The following CPLX2 variants were observed in gnomAD, a reference collection of about 807,000 sequenced individuals.
CPLX2 encodes complexin 2.
CPLX2 carries 5 observed loss-of-function variants against 16.3 expected under a neutral mutation model. The observed-to-expected ratio is 0.31, with a 90% CI of 0.16 to 0.64. The LOEUF is 0.64. CPLX2 is among the 30% of genes least tolerant of loss of function. The pLI is 0.79. For synonymous variants in CPLX2, 89 were observed against 73.2 expected (o/e 1.22, Z -1.10); for missense variants, 144 against 181.4 (o/e 0.79, Z 1.18).
chr5:175,842,697 C>T (rs1758966604), intron 2 of CPLX2, among the ~76,000 whole-genome samples: 1 of 152,180 alleles, frequency 6.6e-6, no homozygotes, highest in Non-Finnish European at 1.5e-5. Flanking sequence ...CACCCACCTG[C>T]ACTTGCAGGA....
intron 1 of CPLX2, chr5:175,871,989 G>C (rs935244594): frequency 2.0e-5 from 3 of 152,292 alleles, no homozygotes; most frequent in South Asian, 4.1e-4. Context: ...CGGAGACTCC[G>C]GGCAGAGCCC....
At chr5:175,863,991 T>C (rs189351671) in intron 2 of CPLX2, among the ~76,000 whole-genome samples, 2 of 152,352 alleles carry the variant, frequency 1.3e-5, no homozygotes, top group East Asian at 3.9e-4. Context: ...CAGAGTTCTT[T>C]GACCAAGAGG....
At chr5:175,812,580 G>A (rs748650640) in intron 2 of CPLX2, among the ~76,000 whole-genome samples, 3 of 152,158 alleles carry the variant, frequency 2.0e-5, no homozygotes, top group Non-Finnish European at 2.9e-5. Flanking sequence ...AAGGTCCAAG[G>A]TAGAGACGCC....
rs1157679528 is a variant in CPLX2 at position 175,872,452 on chromosome 5, A to C, written c.-89+747A>C. On this transcript the variant is annotated intron_variant, in intron 1 of 3. Coordinates refer to ENST00000393745, the MANE Select transcript of CPLX2 (RefSeq NM_001008220.2). This position sits in a 1 kb window ranked among gnomAD's most constrained non-coding sequence, Gnocchi z 5.0. ...CGGGCCGGGTCTTGGGGTTGGAGCT[A>C]TGTGTGTTGGGGGAAGGGGCGCTCT... Among the ~76,000 whole-genome samples the C allele has an allele frequency of 1.3e-5, 2 of 151,832 alleles. No individual in the cohort carries two copies. The highest frequency in any genetic ancestry group is 2.9e-5 in the Non-Finnish European group (2 of 67,918).
intron 2 of CPLX2, among the ~76,000 whole-genome samples, chr5:175,866,274 G>C (rs916366318): frequency 6.6e-6 from 1 of 152,220 alleles, no homozygotes; most frequent in African/African-American, 2.4e-5. Context: ...TCAGAGAAGA[G>C]TTCTTAATGG....
At chr5:175,817,879 A>G (rs1283943590) in intron 2 of CPLX2, among the ~76,000 whole-genome samples, 2 of 152,222 alleles carry the variant, frequency 1.3e-5, no homozygotes, top group African/African-American at 2.4e-5. Flanking sequence ...CCCATAGAAA[A>G]GAAATCTCAG....
rs1409533277 is a variant in CPLX2 at position 175,799,542 on chromosome 5, A to ATATATATTTATATATATT, written c.-169+2765_-169+2766insTTATATATATTTATATAT. Among the ~76,000 whole-genome samples the ATATATATTTATATATATT allele has an allele frequency of 4.5e-3, 359 of 79,158 alleles. 9 individuals are homozygous for ATATATATTTATATATATT. The highest frequency in any genetic ancestry group is 0.018 in the East Asian group (54 of 2,998). 51.9% of individuals were successfully genotyped at this position (79,158 alleles called of 152,430 possible). On this transcript the variant is annotated intron_variant, in intron 1 of 4. Transcript: ENST00000359546. Reference sequence around the variant, plus strand: ...TTTGAGATCCCTTTGCAAATTTCATATATATATATATATATATATATATAT... The same window carrying ATATATATTTATATATATT: ...TTTGAGATCCCTTTGCAAATTTCATATATATATTTATATATATTTATATATATATATATATATATATAT...
upstream of CPLX2, among the ~76,000 whole-genome samples, chr5:175,871,129 G>A (rs1340903715): frequency 6.6e-6 from 1 of 152,066 alleles, no homozygotes; most frequent in Non-Finnish European, 1.5e-5. Context: ...TCCCAAGGAG[G>A]TGAACTTTGA....
intron 1 of CPLX2, among the ~76,000 whole-genome samples, chr5:175,803,643 G>A (rs1212844177): frequency 6.6e-6 from 1 of 152,226 alleles, no homozygotes; most frequent in Non-Finnish European, 1.5e-5. Flanking sequence ...GTAAGGCTTG[G>A]GTTAGGCAGG....
At chr5:175,870,236 G>A (rs1236820516), upstream of CPLX2, among the ~76,000 whole-genome samples, 1 of 152,216 alleles carries the variant, frequency 6.6e-6, no homozygotes, top group East Asian at 1.9e-4. Context: ...AGCCTGTAAG[G>A]GGAGAACAGA....
At chr5:175,844,641 G>C (rs189253802) in intron 2 of CPLX2, among the ~76,000 whole-genome samples, 1 of 152,382 alleles carries the variant, frequency 6.6e-6, no homozygotes, top group African/African-American at 2.4e-5. Flanking sequence ...GAAGAACAGA[G>C]AGAACAGCCA....
intron 2 of CPLX2, among the ~76,000 whole-genome samples, chr5:175,823,928 A>G (rs1183308439): frequency 6.6e-6 from 1 of 152,112 alleles, no homozygotes; most frequent in Non-Finnish European, 1.5e-5. Context: ...GGAGGAGGAG[A>G]CTGAATAGGT....
chr5:175,837,230 C>T (rs1284028138), intron 2 of CPLX2, among the ~76,000 whole-genome samples: 2 of 152,186 alleles, frequency 1.3e-5, no homozygotes, highest in Non-Finnish European at 2.9e-5. Context: ...TCACTTAGCT[C>T]TGAAGAAAGG....
rs530955966 is a variant in CPLX2 at position 175,838,902 on chromosome 5, G to A, written c.-89+29834G>A. On this transcript the variant is annotated intron_variant, in intron 2 of 4. Coordinates refer to the CPLX2 transcript ENST00000359546. ...TAGCTTTCTTCAGGGAGATGACTTG[G>A]AGTTGGGACACCAAGATTTAAATCC... Among the ~76,000 whole-genome samples the A allele has an allele frequency of 2.0e-4, 31 of 152,308 alleles. 1 individual carries two copies. Among genetic ancestry groups the A allele is most frequent in the Non-Finnish European group, 3.5e-4 (24 of 68,022 alleles).
chr5:175,878,623 C>G (rs1755471284), intron 1 of CPLX2, 29 bp from the exon 2 acceptor site: 1 of 1,202,074 alleles, frequency 8.3e-7, no homozygotes, highest in Admixed American at 2.0e-5. Context: ...AGAGGCCTCT[C>G]CCATCTGACT....
intron 2 of CPLX2, among the ~76,000 whole-genome samples, chr5:175,827,290 G>A (rs1355052865): frequency 6.6e-6 from 1 of 152,202 alleles, no homozygotes; most frequent in Non-Finnish European, 1.5e-5. Flanking sequence ...ACTGGGGGAG[G>A]AGCAGCTTCC....
chr5:175,850,394 C>T (rs975337640), intron 2 of CPLX2, among the ~76,000 whole-genome samples: 1 of 152,106 alleles, frequency 6.6e-6, no homozygotes, highest in African/African-American at 2.4e-5. Context: ...GCTGCACAGG[C>T]GCAGGGAGCC....
At position 175,878,706 on chromosome 5, in the gene CPLX2, CG is replaced by C; in HGVS notation, c.-33del. On this transcript the variant is annotated 5_prime_UTR_variant, in exon 2 of 4. An upstream open reading frame in the 5' UTR loses its in-frame stop. Coordinates refer to ENST00000393745, the MANE Select transcript of CPLX2 (RefSeq NM_001008220.2). ...CAGGAGCGCTGCATGCAAATTCTGCCGTGGGCTAAGGCACGCTAACCAGAGC... is the reference window on the plus strand; with the variant it reads ...CAGGAGCGCTGCATGCAAATTCTGCCTGGGCTAAGGCACGCTAACCAGAGC... The C allele has an allele frequency of 6.2e-7, 1 of 1,611,004 alleles. No individual in the cohort carries two copies. Among genetic ancestry groups the C allele is most frequent in the Non-Finnish European group, 8.5e-7 (1 of 1,178,996 alleles).
intron 1 of CPLX2, among the ~76,000 whole-genome samples, chr5:175,800,539 T>C (rs997705668): frequency 1.1e-4 from 17 of 151,034 alleles, no homozygotes; most frequent in African/African-American, 3.9e-4. Flanking sequence ...AGTCCAGACA[T>C]AGACAAGTGA....
Sources: gnomAD v4.1 joint callset for allele counts (sites outside exome capture counted in the v4.1 genomes callset) on GRCh38, gnomAD v4.1.1 for gene constraint, Gnocchi (gnomAD v3.1) non-coding constraint, MANE v1.5 for transcripts, NCBI Gene and HGNC (gene_info 2026-07-23, HGNC 2026-07-21) for gene names.